Variants in SUSD6 observed in about 807,000 individuals in gnomAD.
The protein encoded by SUSD6 is sushi domain containing 6.
In SUSD6, 16 loss-of-function variants were observed where a neutral mutation model predicts 28.4. That is an observed-to-expected ratio of 0.56 (90% CI 0.38 to 0.86). The LOEUF is 0.86. Among genes scored for constraint, SUSD6 ranks in the 40% least tolerant of loss-of-function variants. The probability of loss-of-function intolerance (pLI) is 0.00; values close to 1 mark genes in which losing one functional copy is unlikely to be tolerated. For missense variants in SUSD6, 341 were observed against 384.2 expected, an observed-to-expected ratio of 0.89 and a Z score of 0.94; for synonymous variants, 147 against 159.6, an observed-to-expected ratio of 0.92 and a Z score of 0.59.
chr14:69,703,654 T>C (rs1483517728), intron 3 of SUSD6, 62 bp downstream of exon 3: 3 of 1,462,344 alleles, frequency 2.1e-6, no homozygotes, highest in Non-Finnish European at 2.9e-6. Flanking sequence ...ACTCACAGGA[T>C]GCAAAGCATG....
intron 1 of SUSD6, among the ~76,000 whole-genome samples, chr14:69,627,517 C>T (rs1885131394): frequency 6.6e-6 from 1 of 152,104 alleles, no homozygotes; most frequent in Non-Finnish European, 1.5e-5. Flanking sequence ...TCACTCTGTT[C>T]CCCAGGCTGG....
chr14:69,678,782 A>T (rs1414803578), intron 2 of SUSD6, among the ~76,000 whole-genome samples: 1 of 152,194 alleles, frequency 6.6e-6, no homozygotes, highest in East Asian at 1.9e-4. Context: ...CAGCCTGGGC[A>T]ACAGAGCAAG....
At chr14:69,619,598 GA>G (rs10554011) in intron 1 of SUSD6, among the ~76,000 whole-genome samples, 3,067 of 119,108 alleles carry the variant, frequency 0.026, 36 homozygotes, top group Middle Eastern at 0.049. Context: ...CATCTCTACA[GA>G]AAAAAAAAAA....
rs1566609033 is a variant in SUSD6, at chr14:69,708,684, CA to C, written c.467del (p.Gln156ArgfsTer95). ...TTTCCTCCTCCACTCCAGGCGTGACCAGGGGGTATCTGGGGACCAGGTCTCC... is the reference window on the plus strand; with the variant it reads ...TTTCCTCCTCCACTCCAGGCGTGACCGGGGGTATCTGGGGACCAGGTCTCC... ...LKSFHHSRRD[Q>X]GVSGDQVSIM... is the part of the protein sequence containing the mutation. On this transcript the variant is annotated frameshift_variant, in exon 5 of 6. Transcript: ENST00000342745. LOFTEE classifies it high-confidence loss of function. 7 of 1,571,876 alleles carry C rather than the reference CA, an allele frequency of 4.5e-6. No homozygotes were observed. The highest frequency in any genetic ancestry group is 3.7e-5 in the Admixed American group (2 of 54,372).
rs1489898258 is a variant in SUSD6 at position 69,712,582 on chromosome 14, C to T, written c.*1603C>T. 6.6e-6 allele frequency: 1 copy of T among 152,152 alleles called. No homozygotes were observed. Among genetic ancestry groups the T allele is most frequent in the Non-Finnish European group, 1.5e-5 (1 of 68,080 alleles). The allele number at this position is 152,152 out of a possible 1,614,324, so 9.4% of individuals were successfully genotyped here. A position where few individuals can be genotyped will look rare whatever the true frequency, so the allele number is the denominator to read the frequency against. ...TTGGGGGTGGTAAAAATAAAAATCC[C>T]AGTTTATTTTCAGTACCTTACCTAA... is the stretch of plus-strand genomic sequence containing the variant. On this transcript the variant is annotated 3_prime_UTR_variant, in exon 6 of 6. Coordinates refer to ENST00000342745, the MANE Select transcript of SUSD6 (RefSeq NM_014734.4).
intron 1 of SUSD6, among the ~76,000 whole-genome samples, chr14:69,650,266 C>A (rs1336006244): frequency 2.0e-5 from 3 of 152,086 alleles, no homozygotes; most frequent in Non-Finnish European, 4.4e-5. Flanking sequence ...GCTTAGCCAG[C>A]ATGAATTTGA....
chr14:69,710,632 C>T (rs886996046), intron 5 of SUSD6, among the ~76,000 whole-genome samples: 1 of 152,150 alleles, frequency 6.6e-6, no homozygotes, highest in Non-Finnish European at 1.5e-5. Flanking sequence ...AGTGGGACTT[C>T]ACAGGGCTTT....
intron 2 of SUSD6, among the ~76,000 whole-genome samples, chr14:69,672,784 G>A (rs763731996): frequency 6.6e-6 from 1 of 152,224 alleles, no homozygotes; most frequent in Non-Finnish European, 1.5e-5. Flanking sequence ...TGGGATCTGA[G>A]CAGATCAGCC....
chr14:69,647,878 G>A (rs1885450680), intron 1 of SUSD6, among the ~76,000 whole-genome samples: 4 of 152,078 alleles, frequency 2.6e-5, no homozygotes, highest in African/African-American at 9.7e-5. Flanking sequence ...CTAGCTAATC[G>A]GGTGGCTGAG....
At chr14:69,663,967 A>G (rs1373650199) in intron 2 of SUSD6, among the ~76,000 whole-genome samples, 2 of 149,058 alleles carry the variant, frequency 1.3e-5, no homozygotes, top group South Asian at 2.1e-4. Flanking sequence ...GTTTCCCACT[A>G]TGGTTGTTTC....
intron 2 of SUSD6, among the ~76,000 whole-genome samples, chr14:69,694,341 CT>C (rs1851968158): frequency 6.6e-6 from 1 of 152,156 alleles, no homozygotes; most frequent in African/African-American, 2.4e-5. Flanking sequence ...TGTGATTAAC[CT>C]TTTGAATCCC....
intron 2 of SUSD6, among the ~76,000 whole-genome samples, chr14:69,690,170 G>T (rs113089316): frequency 9.2e-5 from 14 of 152,284 alleles, no homozygotes; most frequent in African/African-American, 3.4e-4. Flanking sequence ...GAGAGACTAG[G>T]GTCCAAAGAG....
intron 1 of SUSD6, among the ~76,000 whole-genome samples, chr14:69,646,079 A>G (rs1384360713): frequency 6.6e-6 from 1 of 152,140 alleles, no homozygotes; most frequent in Non-Finnish European, 1.5e-5. Context: ...TAAATTTGAT[A>G]TAATCTGCCT....
chr14:69,703,266 G>A (rs2139645338), intron 2 of SUSD6, 129 bp from the exon 3 acceptor site: 1 of 761,594 alleles, frequency 1.3e-6, no homozygotes, highest in Non-Finnish European at 2.1e-6. Context: ...TTGGTTAACA[G>A]TTCCTCCAAG....
chr14:69,627,163 T>TTG (rs1249142280), intron 1 of SUSD6, among the ~76,000 whole-genome samples: 4 of 152,248 alleles, frequency 2.6e-5, no homozygotes, highest in Non-Finnish European at 5.9e-5. Flanking sequence ...ACACAAGTTG[T>TTG]TCAGGACTTT....
chr14:69,632,652 T>TAA lies in SUSD6; in HGVS notation c.-81+20835_-81+20836dup, dbSNP rs200111208. Among the ~76,000 whole-genome samples, 273 of 143,770 alleles carry TAA rather than the reference T, an allele frequency of 1.9e-3. 1 individual carries two copies. The highest frequency in any genetic ancestry group is 1.5e-3 in the African/African-American group (60 of 38,984). 94.3% of individuals were successfully genotyped at this position (143,770 alleles called of 152,430 possible). ...AATTACAGGAAATCACAACTAGCAT[T>TAA]AAAAAAAAAAAACAAAACACTGGGC... is the stretch of plus-strand genomic sequence containing the variant. On this transcript the variant is annotated intron_variant, in intron 1 of 5. Transcript: ENST00000342745.
chr14:69,652,071 T>C (rs1410503527), intron 1 of SUSD6, among the ~76,000 whole-genome samples: 1 of 152,234 alleles, frequency 6.6e-6, no homozygotes, highest in African/African-American at 2.4e-5. Context: ...TCACCACTAC[T>C]ACCATTATCC....
At chr14:69,653,747 CTTTTTTTTT>C (rs3048700) in intron 1 of SUSD6, among the ~76,000 whole-genome samples, 1 of 93,244 alleles carries the variant, frequency 1.1e-5, no homozygotes, top group East Asian at 3.2e-4. Flanking sequence ...CCTAGTGAAA[CTTTTTTTTT>C]TTTTTTTTTT....
At chr14:69,700,020 A>G (rs993039971) in intron 2 of SUSD6, among the ~76,000 whole-genome samples, 1 of 152,154 alleles carries the variant, frequency 6.6e-6, no homozygotes, top group Non-Finnish European at 1.5e-5. Context: ...GGTGGGCACC[A>G]TGTTGCCTGG....
Sources: allele counts gnomAD v4.1 joint callset (sites outside exome capture counted in the v4.1 genomes callset), GRCh38; gene constraint gnomAD v4.1.1; transcripts MANE v1.5; gene names NCBI Gene and HGNC (gene_info 2026-07-23, HGNC 2026-07-21).